CEP70: variants seen among roughly 807,000 people sequenced by gnomAD.
CEP70 encodes the protein centrosomal protein of 70 kDa.
Under a neutral mutation model 90.9 loss-of-function variants are expected in CEP70, and 70 were observed. The observed-to-expected ratio is 0.77, with a 90% CI of 0.64 to 0.94. The LOEUF (loss-of-function observed/expected upper bound fraction) is 0.94, where lower values mean the gene tolerates loss of function less well. Among genes scored for constraint, CEP70 ranks in the 40% least tolerant of loss-of-function variants. The pLI, the probability that CEP70 is intolerant of heterozygous loss-of-function variation, is 0.00. For missense variants in CEP70, 648 were observed against 669.0 expected (o/e 0.97, Z 0.35); for synonymous variants, 220 against 228.3 (o/e 0.96, Z 0.33).
At chr3:138,571,460 A>G in intron 3 of CEP70, 104 bp from the exon 4 acceptor site, 1 of 779,906 alleles carries the variant, frequency 1.3e-6, no homozygotes, top group Non-Finnish European at 2.1e-6. Context: ...TTTTCTTCAA[A>G]AGTTTTAAGT....
chr3:138,500,541 AG>A lies in CEP70; in HGVS notation c.1394del (p.Thr465IlefsTer18). Reference protein sequence around the residue: ...EKDSNMPHFQTLQAIVSHFQK... With the variant: ...EKDSNMPHFQXLQAIVSHFQK... ...GGAAGTGAGAAACAATAGCTTGCAAAGTTTGAAAGTGTGGCATATTGCTGTC... is the reference window on the plus strand; with the variant it reads ...GGAAGTGAGAAACAATAGCTTGCAAATTTGAAAGTGTGGCATATTGCTGTC... On this transcript the variant is annotated frameshift_variant, in exon 15 of 18. Transcript: ENST00000264982. LOFTEE classifies it high-confidence loss of function. 6.2e-7 allele frequency: 1 copy of A among 1,608,788 alleles called. No individual in the cohort carries two copies. The highest frequency in any genetic ancestry group is 8.5e-7 in the Non-Finnish European group (1 of 1,178,704).
At chr3:138,495,138 A>G in intron 17 of CEP70, 62 bp from the exon 18 acceptor site, 1 of 1,003,252 alleles carries the variant, frequency 1.0e-6, no homozygotes, top group Non-Finnish European at 1.5e-6. Flanking sequence ...AACTCACATG[A>G]AACAAGAACC....
intron 12 of CEP70, among the ~76,000 whole-genome samples, chr3:138,505,795 G>A (rs905494694): frequency 6.6e-6 from 1 of 152,128 alleles, no homozygotes; most frequent in Non-Finnish European, 1.5e-5. Flanking sequence ...TCAGGGAGGA[G>A]GAGCTCCCTC....
In CEP70 at chr3:138,529,267, CT is replaced by C; in HGVS notation, c.800del (p.Lys267ArgfsTer15). Reference sequence around the variant, plus strand: ...GTGCATCAATCTTAGATTTTGATTCCTTGAGTTGATTCTGTAATGACTGCAA... The same window carrying C: ...GTGCATCAATCTTAGATTTTGATTCCTGAGTTGATTCTGTAATGACTGCAA... ...GLLMSLQNQL[K>X]ESKSKIDALS... On this transcript the variant is annotated frameshift_variant, in exon 10 of 18. Coordinates refer to ENST00000264982, the MANE Select transcript of CEP70 (RefSeq NM_024491.4). LOFTEE classifies it high-confidence loss of function. 1 of 1,607,850 alleles carries C rather than the reference CT, an allele frequency of 6.2e-7. No homozygotes were observed. Among genetic ancestry groups the C allele is most frequent in the African/African-American group, 1.3e-5 (1 of 74,658 alleles).
intron 11 of CEP70, 54 bp from the exon 12 acceptor site, chr3:138,508,598 C>A (rs2035214909): frequency 1.8e-6 from 2 of 1,110,048 alleles, no homozygotes; most frequent in African/African-American, 3.1e-5. Flanking sequence ...AGACACTGGA[C>A]CAAGATGATA....
intron 2 of CEP70, among the ~76,000 whole-genome samples, chr3:138,584,203 T>C (rs2041998482): frequency 6.6e-6 from 1 of 151,878 alleles, no homozygotes; most frequent in African/African-American, 2.4e-5. Context: ...ACAAACAACC[T>C]ACTAAGATTG....
intron 2 of CEP70, among the ~76,000 whole-genome samples, chr3:138,587,773 C>T (rs1056285190): frequency 6.6e-6 from 1 of 152,106 alleles, no homozygotes; most frequent in Non-Finnish European, 1.5e-5. Flanking sequence ...AAGACCCTAT[C>T]TCTAAATTAA....
intron 2 of CEP70, among the ~76,000 whole-genome samples, chr3:138,588,724 T>C (rs1490232036): frequency 6.6e-6 from 1 of 152,198 alleles, no homozygotes; most frequent in African/African-American, 2.4e-5. Context: ...AGTCATGCCA[T>C]TCCTAGAATT....
At chr3:138,523,911 T>C (rs9749815) in intron 11 of CEP70, among the ~76,000 whole-genome samples, 17 of 151,824 alleles carry the variant, frequency 1.1e-4, no homozygotes, top group East Asian at 5.8e-4. Context: ...GAGCCCGCAT[T>C]GCCAAGTCAA....
At chr3:138,529,518 C>T (rs1289984091) in intron 8 of CEP70, 56 bp from the exon 9 acceptor site, 9 of 1,013,246 alleles carry the variant, frequency 8.9e-6, no homozygotes, top group Non-Finnish European at 1.4e-5. Context: ...AAGAAAAAAA[C>T]TAATTAAACC....
Position 138,500,214 on chromosome 3 carries a change from G to A in CEP70, c.1548C>T (p.Ser516=), listed in dbSNP as rs368916780. The change falls in exon 16 of 18, where the codon TCC becomes TCT. Residue 516 remains serine (S), a synonymous_variant. Coordinates refer to ENST00000264982, the MANE Select transcript of CEP70 (RefSeq NM_024491.4). ...CAGTGCTTACTAGCACACACAATGA[G>A]GATGAACTATCTGCAAAAGAGAAAT... ...LQELLELDSS[S]SLCVLVSTVG... 2 of 1,607,988 alleles carry A rather than the reference G, an allele frequency of 1.2e-6. No individual in the cohort carries two copies. Among genetic ancestry groups the A allele is most frequent in the Non-Finnish European group, 1.7e-6 (2 of 1,174,966 alleles).
At chr3:138,515,466 GCA>G (rs1491463743) in intron 11 of CEP70, among the ~76,000 whole-genome samples, 533 of 21,632 alleles carry the variant, frequency 0.025, 5 homozygotes, top group African/African-American at 0.1. Flanking sequence ...GCATAGAAAT[GCA>G]AAAAAAAAAA....
chr3:138,500,565 G>T lies in CEP70; in HGVS notation c.1371C>A (p.Asp457Glu). ...MLEEVENKEK[D>E]SNMPHFQTLQ... ...AAGTTTGAAAGTGTGGCATATTGCT[G>T]TCCTGTCCAAAAAAGAGGTAAAAAA... is the stretch of plus-strand genomic sequence containing the variant. The change falls in exon 15 of 18, where the codon GAC (aspartate) becomes GAA (glutamate). Residue 457 changes from aspartate (D) to glutamate (E), a missense_variant and splice_region_variant. By Grantham distance (45) the Asp-to-Glu change is conservative. Transcript: ENST00000264982. The T allele has an allele frequency of 6.3e-7, 1 of 1,582,704 alleles. No homozygotes were observed. The highest frequency in any genetic ancestry group is 8.5e-7 in the Non-Finnish European group (1 of 1,171,992).
chr3:138,538,973 C>T (rs2038521818), intron 6 of CEP70, among the ~76,000 whole-genome samples: 1 of 152,228 alleles, frequency 6.6e-6, no homozygotes, highest in South Asian at 2.1e-4. Context: ...TTAGGGTTTA[C>T]TTCCTTACAA....
At chr3:138,566,089 T>C (rs1407468937) in intron 6 of CEP70, among the ~76,000 whole-genome samples, 1 of 152,228 alleles carries the variant, frequency 6.6e-6, no homozygotes, top group Non-Finnish European at 1.5e-5. Context: ...TCATTATCAC[T>C]GGTCATTAGA....
intron 6 of CEP70, among the ~76,000 whole-genome samples, chr3:138,548,002 T>C (rs1009208732): frequency 5.3e-5 from 8 of 152,332 alleles, no homozygotes; most frequent in South Asian, 2.1e-4. Flanking sequence ...AAAAATCAGT[T>C]AGATATCTCC....
rs141929652 is a variant in CEP70 at position 138,528,993 on chromosome 3, G to A, written c.869+206C>T. 4.8e-3 allele frequency among the ~76,000 whole-genome samples: 722 copies of A among 151,962 alleles called. 4 individuals are homozygous for A. Among genetic ancestry groups the A allele is most frequent in the African/African-American group, 0.017 (695 of 41,432 alleles). On this transcript the variant is annotated intron_variant, in intron 10 of 17. Coordinates refer to ENST00000264982, the MANE Select transcript of CEP70 (RefSeq NM_024491.4). ...GGTGACAGAGTAAGACTCTGTCTCAGTTAAAAATAAATAATTTTTAAAATT... is the reference window on the plus strand; with the variant it reads ...GGTGACAGAGTAAGACTCTGTCTCAATTAAAAATAAATAATTTTTAAAATT...
At chr3:138,514,538 C>A (rs2035828859) in intron 11 of CEP70, among the ~76,000 whole-genome samples, 2 of 151,864 alleles carry the variant, frequency 1.3e-5, no homozygotes, top group Admixed American at 1.3e-4. Context: ...ATCAGTAGTA[C>A]TTTGAAAAAA....
intron 7 of CEP70, among the ~76,000 whole-genome samples, chr3:138,535,025 G>C (rs1423952743): frequency 6.6e-6 from 1 of 152,014 alleles, no homozygotes; most frequent in African/African-American, 2.4e-5. Context: ...CCTTGCTCAG[G>C]AATCTTTGGG....
Sources: gnomAD v4.1 joint callset for allele counts (sites outside exome capture counted in the v4.1 genomes callset) on GRCh38, gnomAD v4.1.1 for gene constraint, MANE v1.5 for transcripts, NCBI Gene and HGNC (gene_info 2026-07-23, HGNC 2026-07-21) for gene names.